The following MICU3 variants were observed in gnomAD, a reference collection of about 807,000 sequenced individuals.
The protein encoded by MICU3 is mitochondrial calcium uptake 3.
Under a neutral mutation model 66.5 loss-of-function variants are expected in MICU3, and 62 were observed. The ratio of observed to expected loss-of-function variants is 0.93; its 90% CI spans 0.76 to 1.15. MICU3 has a LOEUF of 1.15. MICU3 is among the 50% of genes most tolerant of loss of function. The probability of loss-of-function intolerance (pLI) is 0.00; values close to 1 mark genes in which losing one functional copy is unlikely to be tolerated. For synonymous variants in MICU3, 308 were observed against 240.7 expected (o/e 1.28, Z -2.59); for missense variants, 779 against 664.4 (o/e 1.17, Z -1.90).
At chr8:17,124,703 G>T (rs1311326716), downstream of MICU3, among the ~76,000 whole-genome samples, 1 of 151,612 alleles carries the variant, frequency 6.6e-6, no homozygotes, top group African/African-American at 2.4e-5. Flanking sequence ...GAGATCTCGT[G>T]TGCTGAAAAC....
At chr8:17,125,899 G>A (rs542184392), downstream of MICU3, among the ~76,000 whole-genome samples, 725 of 151,978 alleles carry the variant, frequency 4.8e-3, 3 homozygotes, top group African/African-American at 0.017. Flanking sequence ...GTATGGTGGT[G>A]CACGCCTGTA....
intron 1 of MICU3, among the ~76,000 whole-genome samples, chr8:17,029,335 G>A (rs1311459462): frequency 2.0e-5 from 3 of 152,184 alleles, no homozygotes; most frequent in Non-Finnish European, 4.4e-5. Flanking sequence ...AATCAGCCGG[G>A]TGTGGTGTTG....
intron 1 of MICU3, among the ~76,000 whole-genome samples, chr8:17,047,390 AATTCATCTAT>A (rs1385129541): frequency 1.3e-5 from 2 of 152,240 alleles, no homozygotes; most frequent in Non-Finnish European, 2.9e-5. Flanking sequence ...GACAGTCCAA[AATTCATCTAT>A]TAGGGGTTAC....
At chr8:17,066,902 A>G (rs1356457380) in intron 2 of MICU3, among the ~76,000 whole-genome samples, 1 of 152,080 alleles carries the variant, frequency 6.6e-6, no homozygotes. Flanking sequence ...TTTTTTCTTC[A>G]GAATACATTC....
chr8:17,079,080 A>AGG (rs750531120), intron 4 of MICU3, among the ~76,000 whole-genome samples: 1 of 152,160 alleles, frequency 6.6e-6, no homozygotes, highest in African/African-American at 2.4e-5. Context: ...TTTTAAGTTA[A>AGG]GGGGAGGGTT....
chr8:17,128,681 T>C, the MICU3 span, among the ~76,000 whole-genome samples: 3 of 152,156 alleles, frequency 2.0e-5, no homozygotes, highest in Non-Finnish European at 4.4e-5. Context: ...GGGAAAACTA[T>C]GTGGTGGAAC....
intron 1 of MICU3, among the ~76,000 whole-genome samples, chr8:17,043,920 C>G (rs1420761625): frequency 6.6e-6 from 1 of 152,152 alleles, no homozygotes; most frequent in Non-Finnish European, 1.5e-5. Context: ...ATATTGGGTT[C>G]TAATGTGTAT....
intron 11 of MICU3, among the ~76,000 whole-genome samples, chr8:17,112,222 T>C (rs1320047099): frequency 6.6e-6 from 1 of 152,210 alleles, no homozygotes; most frequent in Non-Finnish European, 1.5e-5. Context: ...CAGTTGACCA[T>C]AAATATTTGA....
At chr8:17,125,624 G>A (rs1477123461), downstream of MICU3, among the ~76,000 whole-genome samples, 1 of 152,158 alleles carries the variant, frequency 6.6e-6, no homozygotes, top group Non-Finnish European at 1.5e-5. Context: ...CTGCCTGGCA[G>A]TTTAAAGGTT....
At chr8:17,103,733 G>A (rs1801484177) in intron 9 of MICU3, among the ~76,000 whole-genome samples, 1 of 151,884 alleles carries the variant, frequency 6.6e-6, no homozygotes, top group Non-Finnish European at 1.5e-5. Context: ...TATTGAGTGG[G>A]AAAGCAAAAA....
At chr8:17,044,271 G>T (rs535109032) in intron 1 of MICU3, among the ~76,000 whole-genome samples, 1 of 152,326 alleles carries the variant, frequency 6.6e-6, no homozygotes, top group East Asian at 1.9e-4. Flanking sequence ...TACCCAGGTA[G>T]TAGGAGGCTG....
chr8:17,113,275 T>C (rs1802375132), intron 11 of MICU3, among the ~76,000 whole-genome samples: 1 of 152,230 alleles, frequency 6.6e-6, no homozygotes, highest in African/African-American at 2.4e-5. Context: ...TCTGCTCTTC[T>C]CTCTGTTCTC....
chr8:17,040,979 T>C (rs1813969295), intron 1 of MICU3, among the ~76,000 whole-genome samples: 1 of 152,190 alleles, frequency 6.6e-6, no homozygotes, highest in Non-Finnish European at 1.5e-5. Flanking sequence ...ATAATGGGCA[T>C]GGATGATGAA....
intron 3 of MICU3, among the ~76,000 whole-genome samples, chr8:17,073,239 G>A (rs1001233974): frequency 3.3e-5 from 5 of 152,112 alleles, no homozygotes; most frequent in South Asian, 2.1e-4. Context: ...ATATCAGATC[G>A]CCCCCTTCCC....
At position 17,036,479 on chromosome 8, in the gene MICU3, C is replaced by T. The variant is rs922515191; in HGVS notation, c.381+8819C>T. ...TCCACATCCTGCTGATTGGTAGAGC[C>T]GAGTGGCCTGTTTTGTCAGGGTGCT... On this transcript the variant is annotated intron_variant, in intron 1 of 14. Coordinates refer to ENST00000318063, the MANE Select transcript of MICU3 (RefSeq NM_181723.3). Among the ~76,000 whole-genome samples the T allele has an allele frequency of 2.9e-4, 44 of 152,168 alleles. 2 individuals are homozygous for T. Among genetic ancestry groups the T allele is most frequent in the African/African-American group, 9.9e-4 (41 of 41,510 alleles).
chr8:17,092,748 G>C (rs772600353), intron 8 of MICU3, among the ~76,000 whole-genome samples: 21 of 152,082 alleles, frequency 1.4e-4, no homozygotes, highest in Admixed American at 2.0e-4. Flanking sequence ...CCAACATCCT[G>C]AAAATGTATA....
intron 3 of MICU3, among the ~76,000 whole-genome samples, chr8:17,069,958 A>G (rs1404155653): frequency 6.6e-6 from 1 of 152,034 alleles, no homozygotes; most frequent in Non-Finnish European, 1.5e-5. Flanking sequence ...ATGTGTTGGT[A>G]TACTCACTTT....
At chr8:17,037,337 A>G (rs1813211417) in intron 1 of MICU3, among the ~76,000 whole-genome samples, 1 of 152,178 alleles carries the variant, frequency 6.6e-6, no homozygotes, top group South Asian at 2.1e-4. Flanking sequence ...AGGTGCCGAG[A>G]GCGAGCGAGG....
chr8:17,090,691 G>A (rs1469686830), intron 8 of MICU3, 107 bp downstream of exon 8: 8 of 851,784 alleles, frequency 9.4e-6, no homozygotes, highest in Non-Finnish European at 1.4e-5. Flanking sequence ...CTAATAGAAT[G>A]TTTTGGAATT....
Sources: gnomAD v4.1 joint callset for allele counts (sites outside exome capture counted in the v4.1 genomes callset) on GRCh38, gnomAD v4.1.1 for gene constraint, MANE v1.5 for transcripts, NCBI Gene and HGNC (gene_info 2026-07-23, HGNC 2026-07-21) for gene names.